PCDHAC1: variants seen among roughly 807,000 people sequenced by gnomAD.
The protein encoded by PCDHAC1 is protocadherin alpha-C1.
In PCDHAC1, 42 loss-of-function variants were observed where a neutral mutation model predicts 60.0. The observed-to-expected ratio is 0.70, with a 90% CI of 0.55 to 0.90. PCDHAC1 has a LOEUF of 0.90. Among genes scored for constraint, PCDHAC1 ranks in the 40% least tolerant of loss-of-function variants. The probability of loss-of-function intolerance (pLI) is 0.00; values close to 1 mark genes in which losing one functional copy is unlikely to be tolerated. For missense variants in PCDHAC1, 1,160 were observed against 1,222.3 expected (o/e 0.95, Z 0.76); for synonymous variants, 468 against 499.3 (o/e 0.94, Z 0.84).
chr5:141,006,376 TAA>T (rs2098270900), intron 3 of PCDHAC1, among the ~76,000 whole-genome samples: 1 of 151,996 alleles, frequency 6.6e-6, no homozygotes, highest in South Asian at 2.1e-4. Flanking sequence ...CACGCCCGGC[TAA>T]GTTTTTTCTA....
intron 1 of PCDHAC1, chr5:140,969,045 C>G: frequency 1.2e-6 from 2 of 1,614,090 alleles, no homozygotes. Flanking sequence ...TACAAACAAG[C>G]CAACAACAAT....
chr5:140,930,766 T>C (rs1476506441), intron 1 of PCDHAC1, among the ~76,000 whole-genome samples: 1 of 152,240 alleles, frequency 6.6e-6, no homozygotes, highest in Admixed American at 6.5e-5. Context: ...AAATTTTCTG[T>C]ACTTAATATT....
intron 1 of PCDHAC1, among the ~76,000 whole-genome samples, chr5:140,933,321 C>T (rs1266539168): frequency 2.6e-5 from 4 of 151,928 alleles, no homozygotes; most frequent in Non-Finnish European, 5.9e-5. Context: ...CTCGTATTCT[C>T]CTGTGCTGTA....
chr5:140,966,280 G>C (rs782249047), intron 1 of PCDHAC1: 3 of 365,660 alleles, frequency 8.2e-6, no homozygotes, highest in African/African-American at 4.2e-5. Flanking sequence ...CTGGACAGTG[G>C]GGGTAGGGAG....
Position 141,004,377 on chromosome 5 carries a change from C to T in PCDHAC1, c.2582-5250C>T, listed in dbSNP as rs567018582. Among the ~76,000 whole-genome samples the T allele has an allele frequency of 3.9e-5, 6 of 152,294 alleles. No homozygotes were observed. The South Asian group carries it at 6.2e-4, about 16-fold the overall frequency. ...AGAGACCACACCTTGTTCTGCTCTG[C>T]GGAAGCTGGACATGTGGAGGAGGCA... On this transcript the variant is annotated intron_variant, in intron 3 of 3. Coordinates refer to ENST00000253807, the MANE Select transcript of PCDHAC1 (RefSeq NM_018898.5).
chr5:141,009,595 C>G (rs781807814), intron 3 of PCDHAC1, 32 bp from the exon 4 acceptor site: 1 of 1,604,124 alleles, frequency 6.2e-7, no homozygotes, highest in Non-Finnish European at 8.5e-7. Flanking sequence ...TGTGTTGACC[C>G]TGTTAATGAT....
Position 140,941,322 on chromosome 5 carries a change from T to C in PCDHAC1, c.2433+11997T>C, listed in dbSNP as rs1340835610. Among the ~76,000 whole-genome samples the C allele has an allele frequency of 3.4e-5, 5 of 145,550 alleles. No individual in the cohort carries two copies. The East Asian group carries it at 6.0e-4, about 17-fold the overall frequency. The stretch of plus-strand genomic sequence containing the variant: ...TTTCTTTCTTTTTCTTCTTTCTCTT[T>C]TTTTTTTTTTTTCAGATGGAGTCTT... On this transcript the variant is annotated intron_variant, in intron 1 of 3. Coordinates refer to ENST00000253807, the MANE Select transcript of PCDHAC1 (RefSeq NM_018898.5).
rs1458420006 is a variant in PCDHAC1 at position 140,928,100 on chromosome 5, T to A, written c.1208T>A (p.Leu403Gln). Residue 403 changes from leucine to glutamine, a missense_variant, in exon 1 of 4, where the codon CTG becomes CAG. Leu to Gln is a moderately radical substitution (Grantham distance 113). Transcript: ENST00000253807. Reference sequence around the variant, plus strand: ...TACAGCCTGCTGATTGATGGGCCCCTGGACCGGGAGCAGATCAGTGAATAC... The same window carrying A: ...TACAGCCTGCTGATTGATGGGCCCCAGGACCGGGAGCAGATCAGTGAATAC... Reference protein sequence around the residue: ...NYYSLLIDGPLDREQISEYQV... With the variant: ...NYYSLLIDGPQDREQISEYQV... 2.3e-5 allele frequency: 37 copies of A among 1,614,090 alleles called. No individual in the cohort carries two copies. Among genetic ancestry groups the A allele is most frequent in the Non-Finnish European group, 2.9e-5 (34 of 1,180,048 alleles).
chr5:141,010,260 C>T lies in PCDHAC1; in HGVS notation c.*323C>T, dbSNP rs906685521. The stretch of plus-strand genomic sequence containing the variant: ...GAGAGGTTGGACTCTCTGCCCTGTG[C>T]TCCGGGGATCCTGTCTTGATGACAC... On this transcript the variant is annotated 3_prime_UTR_variant, in exon 4 of 4. Transcript: ENST00000253807. 6.4e-7 allele frequency: 1 copy of T among 1,551,674 alleles called. No individual in the cohort carries two copies. The highest frequency in any genetic ancestry group is 1.4e-5 in the African/African-American group (1 of 73,028).
At chr5:140,935,598 G>A (rs540310470) in intron 1 of PCDHAC1, among the ~76,000 whole-genome samples, 5 of 152,148 alleles carry the variant, frequency 3.3e-5, no homozygotes, top group Admixed American at 6.5e-5. Context: ...TAGATACAGA[G>A]CTAGGCTTTT....
chr5:140,937,322 C>T (rs2091472402), intron 1 of PCDHAC1, among the ~76,000 whole-genome samples: 1 of 152,084 alleles, frequency 6.6e-6, no homozygotes, highest in Non-Finnish European at 1.5e-5. Context: ...CAGGCGTGAG[C>T]CACCGCGCCC....
intron 1 of PCDHAC1, among the ~76,000 whole-genome samples, chr5:140,970,633 A>G (rs2096420540): frequency 6.6e-6 from 1 of 152,210 alleles, no homozygotes; most frequent in Admixed American, 6.5e-5. Context: ...AAAATTTTGT[A>G]CCATAAATAG....
intron 1 of PCDHAC1, among the ~76,000 whole-genome samples, chr5:140,936,014 T>C (rs1405282987): frequency 4.0e-5 from 6 of 151,334 alleles, no homozygotes; most frequent in Non-Finnish European, 8.8e-5. Flanking sequence ...CACCTCAGCC[T>C]CCCGAGTAGC....
chr5:140,968,553 G>T (rs782583876), intron 1 of PCDHAC1: 1 of 1,614,132 alleles, frequency 6.2e-7, no homozygotes. Context: ...ATGGTGCCTC[G>T]AACTGCCCCT....
chr5:140,976,267 T>C (rs115616483), intron 1 of PCDHAC1, among the ~76,000 whole-genome samples: 1,952 of 152,234 alleles, frequency 0.013, 51 homozygotes, highest in African/African-American at 0.045. Flanking sequence ...ACACAGACTT[T>C]TGGCAAGGCA....
intron 1 of PCDHAC1, among the ~76,000 whole-genome samples, chr5:140,975,438 A>T (rs1436743661): frequency 5.9e-5 from 9 of 152,234 alleles, no homozygotes; most frequent in African/African-American, 1.7e-4. Flanking sequence ...ACACCAGGAT[A>T]TAGGGATCTT....
At chr5:140,962,673 C>T (rs1409804701) in intron 1 of PCDHAC1, among the ~76,000 whole-genome samples, 2 of 152,164 alleles carry the variant, frequency 1.3e-5, no homozygotes, top group African/African-American at 4.8e-5. Flanking sequence ...TTCCCATCCA[C>T]TGGATGTTTT....
rs148181752 is a variant in PCDHAC1, at chr5:140,966,860, TTGCTGC to T, written c.2434-12081_2434-12076del. 7,760 of 1,577,476 alleles carry T rather than the reference TTGCTGC, an allele frequency of 4.9e-3. 268 individuals are homozygous for T. The African/African-American group carries it at 0.086, about 18-fold the overall frequency. ...GCTGCTACTGCCTCTCCTGCTGCTG[TTGCTGC>T]TGCTGCTACCTGGCCCTGCGGCCTC... On this transcript the variant is annotated intron_variant, in intron 1 of 3. Coordinates refer to ENST00000253807, the MANE Select transcript of PCDHAC1 (RefSeq NM_018898.5).
intron 1 of PCDHAC1, among the ~76,000 whole-genome samples, chr5:140,947,932 T>G (rs1444320082): frequency 1.3e-5 from 2 of 151,584 alleles, no homozygotes; most frequent in African/African-American, 4.8e-5. Flanking sequence ...CCTGATCTTA[T>G]GAGAAAAGTG....
Sources: allele counts gnomAD v4.1 joint callset (sites outside exome capture counted in the v4.1 genomes callset), GRCh38; gene constraint gnomAD v4.1.1; transcripts MANE v1.5; gene names NCBI Gene and HGNC (gene_info 2026-07-23, HGNC 2026-07-21).